Variants in SPAG1 observed in about 807,000 individuals in gnomAD.
SPAG1 encodes the protein sperm associated antigen 1.
SPAG1 carries 69 observed loss-of-function variants against 100.5 expected under a neutral mutation model. The ratio of observed to expected loss-of-function variants is 0.69; its 90% CI spans 0.57 to 0.84. The LOEUF (loss-of-function observed/expected upper bound fraction) is 0.84, where lower values mean the gene tolerates loss of function less well. Among genes scored for constraint, SPAG1 ranks in the 40% least tolerant of loss-of-function variants. The pLI, the probability that SPAG1 is intolerant of heterozygous loss-of-function variation, is 0.00. For synonymous variants in SPAG1, 336 were observed against 411.6 expected (o/e 0.82, Z 2.22); for missense variants, 955 against 1,133.1 (o/e 0.84, Z 2.26).
chr8:100,225,380 G>A, intron 14 of SPAG1, 41 bp downstream of exon 14: 2 of 1,587,648 alleles, frequency 1.3e-6, no homozygotes, highest in South Asian at 1.1e-5. Flanking sequence ...AGGTTACCTT[G>A]AGTTGTGTGT....
At chr8:100,198,621 G>C (rs1817135237) in intron 10 of SPAG1, among the ~76,000 whole-genome samples, 1 of 152,098 alleles carries the variant, frequency 6.6e-6, no homozygotes, top group Non-Finnish European at 1.5e-5. Flanking sequence ...GGTAAGATAA[G>C]CATTAAAAAT....
At chr8:100,186,100 CTG>C (rs1816577972) in intron 7 of SPAG1, among the ~76,000 whole-genome samples, 1 of 121,842 alleles carries the variant, frequency 8.2e-6, no homozygotes, top group African/African-American at 3.3e-5. Flanking sequence ...GGGTCTCACT[CTG>C]TTATCCAGGC....
At chr8:100,193,885 G>C (rs1816915624) in intron 9 of SPAG1, among the ~76,000 whole-genome samples, 1 of 152,040 alleles carries the variant, frequency 6.6e-6, no homozygotes, top group South Asian at 2.1e-4. Flanking sequence ...TGAATGGCAA[G>C]ATTTTAGGTG....
rs1229924282 is a variant in SPAG1 at position 100,194,289 on chromosome 8, A to G, written c.1096+21A>G. ...TAAGAGTAAAATATTTTTTCTATTT[A>G]GGTTATGTAAAAAGCTGCCTTTTAA... On this transcript the variant is annotated intron_variant, in intron 10 of 18. Coordinates refer to ENST00000388798, the MANE Select transcript of SPAG1 (RefSeq NM_003114.5). 5 of 1,600,684 alleles carry G rather than the reference A, an allele frequency of 3.1e-6. No homozygotes were observed. The East Asian group carries it at 9.0e-5, about 29-fold the overall frequency.
At position 100,220,327 on chromosome 8, in the gene SPAG1, G is replaced by A. The variant is rs35252724; in HGVS notation, c.1584G>A (p.Ala528=). ...PFSMKPLLRR[A]MAYETLEQYG... is the part of the protein sequence containing the mutation. ...CTATGAAACCTCTTCTGAGGCGGGC[G>A]ATGGCCTATGAAACTCTAGAGCAGT... The change falls in exon 13 of 19, where the codon GCG becomes GCA. Residue 528 remains alanine (A), a synonymous_variant. Coordinates refer to ENST00000388798, the MANE Select transcript of SPAG1 (RefSeq NM_003114.5). 5.7e-4 allele frequency: 928 copies of A among 1,614,090 alleles called. 7 individuals are homozygous for A. The African/African-American group carries it at 0.011, about 19-fold the overall frequency.
At chr8:100,221,013 C>T (rs1367444076) in intron 13 of SPAG1, among the ~76,000 whole-genome samples, 2 of 151,668 alleles carry the variant, frequency 1.3e-5, no homozygotes, top group Non-Finnish European at 1.5e-5. Context: ...GCGGAGATTG[C>T]GGTGAGCTGA....
chr8:100,179,246 G>C (rs1410535126), intron 4 of SPAG1, among the ~76,000 whole-genome samples: 1 of 152,070 alleles, frequency 6.6e-6, no homozygotes, highest in African/African-American at 2.4e-5. Context: ...AGCCAGCCAT[G>C]GTGGTGGGCC....
intron 10 of SPAG1, 92 bp from the exon 11 acceptor site, chr8:100,212,998 T>A: frequency 9.3e-7 from 1 of 1,075,200 alleles, no homozygotes; most frequent in South Asian, 2.1e-5. Context: ...GAGCCCGCCC[T>A]CCGCGTCCTG....
At chr8:100,220,469 T>C (rs752757141) in intron 13 of SPAG1, 38 bp downstream of exon 13, 2 of 1,565,918 alleles carry the variant, frequency 1.3e-6, no homozygotes, top group Admixed American at 3.7e-5. Flanking sequence ...ATCTAGTTGT[T>C]TTATACTGTT....
At chr8:100,194,876 C>A (rs527961569) in intron 10 of SPAG1, among the ~76,000 whole-genome samples, 196 of 152,172 alleles carry the variant, frequency 1.3e-3, no homozygotes, top group African/African-American at 4.4e-3. Flanking sequence ...AAAAACTTTT[C>A]CCTCCGTCAG....
At chr8:100,177,711 C>T in intron 3 of SPAG1, 105 bp from the exon 4 acceptor site, 1 of 557,460 alleles carries the variant, frequency 1.8e-6, no homozygotes, top group Non-Finnish European at 2.9e-6. Flanking sequence ...TATAAGTGGA[C>T]CAATGCAGTT....
rs187791626 is a variant in SPAG1, at chr8:100,165,157, T to G, written c.141-657T>G. ...GTGTGTTAAATGCCTGATTTCAATTTTACAGCAACAAAAAATACCAATATT... is the reference window on the plus strand; with the variant it reads ...GTGTGTTAAATGCCTGATTTCAATTGTACAGCAACAAAAAATACCAATATT... On this transcript the variant is annotated intron_variant, in intron 2 of 18. Coordinates refer to ENST00000388798, the MANE Select transcript of SPAG1 (RefSeq NM_003114.5). The G allele has an allele frequency of 4.4e-4, 183 of 413,312 alleles. 1 individual carries two copies. The highest frequency in any genetic ancestry group is 3.4e-3 in the African/African-American group (166 of 48,374). The allele number at this position is 413,312 out of a possible 1,614,324, so 25.6% of individuals were successfully genotyped here.
chr8:100,195,624 ATCT>A (rs1817001182), intron 10 of SPAG1, among the ~76,000 whole-genome samples: 1 of 152,248 alleles, frequency 6.6e-6, no homozygotes, highest in South Asian at 2.1e-4. Context: ...CTGGCAGCAA[ATCT>A]TCTTAGGGTT....
chr8:100,163,261 C>T (rs1815399209), intron 2 of SPAG1, among the ~76,000 whole-genome samples: 1 of 152,174 alleles, frequency 6.6e-6, no homozygotes, highest in African/African-American at 2.4e-5. Context: ...TTCAAAAAAT[C>T]TGGGGTAGGG....
chr8:100,187,868 T>A (rs907415331), intron 8 of SPAG1, among the ~76,000 whole-genome samples: 16 of 152,228 alleles, frequency 1.1e-4, no homozygotes, highest in African/African-American at 3.9e-4. Flanking sequence ...TGTTTGTTTT[T>A]TTGAGACTGA....
intron 13 of SPAG1, among the ~76,000 whole-genome samples, chr8:100,222,119 T>G (rs1434237300): frequency 6.6e-6 from 1 of 152,222 alleles, no homozygotes; most frequent in Non-Finnish European, 1.5e-5. Context: ...CCTCCTTTTA[T>G]GTGCCTGCAG....
At chr8:100,175,222 A>G (rs921392677) in intron 3 of SPAG1, among the ~76,000 whole-genome samples, 1 of 150,092 alleles carries the variant, frequency 6.7e-6, no homozygotes, top group East Asian at 2.0e-4. Context: ...ATGATGTTCT[A>G]TCAGGGTTCT....
At chr8:100,213,034 G>GCGGCCTCCA in intron 10 of SPAG1, 56 bp from the exon 11 acceptor site, 1 of 1,348,898 alleles carries the variant, frequency 7.4e-7, no homozygotes, top group Non-Finnish European at 9.5e-7. Context: ...CGCGGCCTCC[G>GCGGCCTCCA]CGGCAACTGC....
At chr8:100,178,460 T>G (rs1816227394) in intron 4 of SPAG1, among the ~76,000 whole-genome samples, 1 of 152,070 alleles carries the variant, frequency 6.6e-6, no homozygotes, top group Admixed American at 6.5e-5. Flanking sequence ...CACATAGACC[T>G]CTCCTTTTTA....
Sources: allele counts gnomAD v4.1 joint callset (sites outside exome capture counted in the v4.1 genomes callset), GRCh38; gene constraint gnomAD v4.1.1; transcripts MANE v1.5; gene names NCBI Gene and HGNC (gene_info 2026-07-23, HGNC 2026-07-21).